ESR2: variants seen among roughly 807,000 people sequenced by gnomAD.
ESR2 encodes the protein estrogen receptor 2, also known as estrogen receptor beta.
Under a neutral mutation model 49.6 loss-of-function variants are expected in ESR2, and 36 were observed. That is an observed-to-expected ratio of 0.73 (90% CI 0.56 to 0.96). ESR2 has a LOEUF of 0.96. ESR2 is among the 40% of genes least tolerant of loss of function. The pLI, the probability that ESR2 is intolerant of heterozygous loss-of-function variation, is 0.00. For missense variants in ESR2, 714 were observed against 693.0 expected (o/e 1.03, Z -0.34); for synonymous variants, 320 against 266.1 (o/e 1.20, Z -1.97).
intron 6 of ESR2, among the ~76,000 whole-genome samples, chr14:64,253,252 G>A (rs997403878): frequency 1.1e-4 from 17 of 151,216 alleles, no homozygotes; most frequent in Admixed American, 8.6e-4. Flanking sequence ...GTGCAATGAC[G>A]TGATCTTGGC....
intron 1 of ESR2, among the ~76,000 whole-genome samples, chr14:64,314,770 C>G (rs190837859): frequency 7.0e-6 from 1 of 143,742 alleles, no homozygotes; most frequent in Non-Finnish European, 1.5e-5. Flanking sequence ...TCCAGCTACT[C>G]GGGAGGCTGA....
intron 1 of ESR2, among the ~76,000 whole-genome samples, chr14:64,283,996 G>A (rs1263403975): frequency 6.6e-6 from 1 of 151,780 alleles, no homozygotes; most frequent in Non-Finnish European, 1.5e-5. Flanking sequence ...CATGATCTCG[G>A]CTCACTGCAA....
chr14:64,241,465 A>AAATTG (rs2075727726), intron 7 of ESR2, among the ~76,000 whole-genome samples: 1 of 152,244 alleles, frequency 6.6e-6, no homozygotes, highest in African/African-American at 2.4e-5. Context: ...TGATTTTAAG[A>AAATTG]ATCAGCTTAT....
At chr14:64,301,979 G>A (rs887913895) in intron 1 of ESR2, among the ~76,000 whole-genome samples, 5 of 151,688 alleles carry the variant, frequency 3.3e-5, no homozygotes, top group African/African-American at 4.8e-5. Flanking sequence ...GACAGTGAAC[G>A]GATTAAATGC....
chr14:64,266,763 A>G (rs1426036917), intron 4 of ESR2, among the ~76,000 whole-genome samples: 1 of 152,242 alleles, frequency 6.6e-6, no homozygotes, highest in East Asian at 1.9e-4. Context: ...AGATACTTCT[A>G]AAGAATTCTG....
chr14:64,324,977 T>C (rs879760603), intron 1 of ESR2, among the ~76,000 whole-genome samples: 1 of 152,230 alleles, frequency 6.6e-6, no homozygotes, highest in Non-Finnish European at 1.5e-5. Flanking sequence ...TGAAACCTGA[T>C]AGCCATATTC....
chr14:64,327,280 G>T (rs925519051), intron 1 of ESR2, among the ~76,000 whole-genome samples: 3 of 152,142 alleles, frequency 2.0e-5, no homozygotes, highest in Non-Finnish European at 4.4e-5. Context: ...TATATAGTTG[G>T]CCAGGCACAG....
intron 7 of ESR2, among the ~76,000 whole-genome samples, chr14:64,248,861 C>T (rs1596386260): frequency 1.3e-5 from 2 of 151,868 alleles, no homozygotes; most frequent in South Asian, 2.1e-4. Flanking sequence ...GCCAGAGTGA[C>T]CTTTCTATAT....
chr14:64,329,076 T>G (rs2077423376), intron 1 of ESR2, among the ~76,000 whole-genome samples: 1 of 152,116 alleles, frequency 6.6e-6, no homozygotes, highest in Non-Finnish European at 1.5e-5. Context: ...ATAAAGAAAT[T>G]TGAGAAATTT....
chr14:64,276,219 T>C (rs1257205165), intron 3 of ESR2, among the ~76,000 whole-genome samples: 1 of 152,076 alleles, frequency 6.6e-6, no homozygotes. Flanking sequence ...GTGGAAAAAA[T>C]ATTTGTCATA....
chr14:64,327,448 C>A (rs779148062), intron 1 of ESR2, among the ~76,000 whole-genome samples: 4 of 106,222 alleles, frequency 3.8e-5, no homozygotes, highest in Non-Finnish European at 8.8e-5. Flanking sequence ...GTCATCCCAG[C>A]ACTTTGGGAG....
chr14:64,276,755 A>G (rs958781539), intron 3 of ESR2, among the ~76,000 whole-genome samples: 1 of 152,254 alleles, frequency 6.6e-6, no homozygotes, highest in Non-Finnish European at 1.5e-5. Flanking sequence ...AGAATATTAC[A>G]CAGTTGTGCA....
chr14:64,277,870 A>G (rs1596446245), intron 3 of ESR2, among the ~76,000 whole-genome samples: 1 of 152,160 alleles, frequency 6.6e-6, no homozygotes, highest in Non-Finnish European at 1.5e-5. Context: ...TGCAGCAGGA[A>G]GGAAGAAACA....
intron 1 of ESR2, among the ~76,000 whole-genome samples, chr14:64,288,098 A>T (rs80266272): frequency 0.011 from 1,611 of 152,248 alleles, 34 homozygotes; most frequent in African/African-American, 0.036. Context: ...TTCTGTCCAG[A>T]GACCTCTCTC....
Position 64,232,173 on chromosome 14 carries a change from C to T in ESR2, c.*964G>A, listed in dbSNP as rs1256066. 0.082 allele frequency: 12,442 copies of T among 152,232 alleles called. 995 individuals carry two copies. The highest frequency in any genetic ancestry group is 0.46 in the East Asian group (2,361 of 5,176). The allele number at this position is 152,232 out of a possible 1,614,324, so 9.4% of individuals were successfully genotyped here. ...CCATAAAACAGCACACTGCACACAT[C>T]CACAGCCCAAAGTATCCCTGACTAC... On this transcript the variant is annotated 3_prime_UTR_variant, in exon 9 of 9. Coordinates refer to ENST00000341099, the MANE Select transcript of ESR2 (RefSeq NM_001437.3).
chr14:64,331,449 T>C (rs950314921), intron 1 of ESR2, among the ~76,000 whole-genome samples: 3 of 152,150 alleles, frequency 2.0e-5, no homozygotes, highest in African/African-American at 7.2e-5. Flanking sequence ...AAGCAAGAAG[T>C]CCTGGGCCTA....
intron 1 of ESR2, chr14:64,335,973 TTGTGTGTGTGTGTGTGTGTGTGTGTG>T (rs55721717): frequency 8.8e-5 from 11 of 125,694 alleles, no homozygotes; most frequent in African/African-American, 1.2e-4. Flanking sequence ...CCCAGCTAAT[TTGTGTGTGTGTGTGTGTGTGTGTGTG>T]TGTGTGTGTG....
chr14:64,227,825 T>G, downstream of ESR2: 1 of 1,579,564 alleles, frequency 6.3e-7, no homozygotes, highest in South Asian at 1.2e-5. Context: ...GTAGTCTGGG[T>G]TTTATATCGT....
At chr14:64,296,097 A>G (rs2076954938), upstream of ESR2, among the ~76,000 whole-genome samples, 1 of 152,026 alleles carries the variant, frequency 6.6e-6, no homozygotes, top group Non-Finnish European at 1.5e-5. Flanking sequence ...ATACTTGTTA[A>G]CAAGATATCT....
Sources: allele counts gnomAD v4.1 joint callset (sites outside exome capture counted in the v4.1 genomes callset), GRCh38; gene constraint gnomAD v4.1.1; transcripts MANE v1.5; gene names NCBI Gene and HGNC (gene_info 2026-07-23, HGNC 2026-07-21).